Variants in DYNC1I1 observed in about 807,000 individuals in gnomAD.
DYNC1I1 encodes dynein cytoplasmic 1 intermediate chain 1.
In DYNC1I1, 43 loss-of-function variants were observed where a neutral mutation model predicts 86.6. The observed-to-expected ratio is 0.50, with a 90% CI of 0.39 to 0.64. The LOEUF (loss-of-function observed/expected upper bound fraction) is 0.64. Among genes scored for constraint, DYNC1I1 ranks in the 30% least tolerant of loss-of-function variants. The pLI is 0.00. For synonymous variants in DYNC1I1, 262 were observed against 283.7 expected, an observed-to-expected ratio of 0.92 and a Z score of 0.77; for missense variants, 604 against 788.8, an observed-to-expected ratio of 0.77 and a Z score of 2.81.
At chr7:96,002,684 G>C (rs1347800958) in intron 10 of DYNC1I1, among the ~76,000 whole-genome samples, 1 of 152,138 alleles carries the variant, frequency 6.6e-6, no homozygotes, top group Non-Finnish European at 1.5e-5. Context: ...GTTGCTGAAT[G>C]GGGGGTTGTG....
intron 6 of DYNC1I1, among the ~76,000 whole-genome samples, chr7:95,939,240 G>A (rs1792133648): frequency 1.3e-5 from 2 of 152,164 alleles, no homozygotes; most frequent in African/African-American, 2.4e-5. Context: ...TTTGAAATAG[G>A]TGTGGTGTGG....
At chr7:96,009,849 G>A (rs977826027) in intron 10 of DYNC1I1, among the ~76,000 whole-genome samples, 3 of 151,326 alleles carry the variant, frequency 2.0e-5, no homozygotes, top group Non-Finnish European at 4.4e-5. Context: ...GCACGATCTC[G>A]GCTCACCACA....
intron 6 of DYNC1I1, among the ~76,000 whole-genome samples, chr7:95,942,115 A>G (rs1378752080): frequency 1.3e-5 from 2 of 152,218 alleles, no homozygotes; most frequent in Admixed American, 1.3e-4. Flanking sequence ...CAAAATTGAT[A>G]GACCGCTAGC....
intron 14 of DYNC1I1, among the ~76,000 whole-genome samples, chr7:96,044,700 G>T (rs747919134): frequency 1.5e-4 from 23 of 152,144 alleles, no homozygotes; most frequent in Non-Finnish European, 2.5e-4. Flanking sequence ...TAGAGTTAGT[G>T]AAGGAAAGCA....
chr7:96,033,458 C>T (rs1026959867), intron 12 of DYNC1I1, among the ~76,000 whole-genome samples: 3 of 152,140 alleles, frequency 2.0e-5, no homozygotes, highest in Admixed American at 6.6e-5. Flanking sequence ...ACAAGACATG[C>T]GCATACACAC....
chr7:95,793,001 G>A (rs549937856), intron 1 of DYNC1I1, among the ~76,000 whole-genome samples: 5 of 152,126 alleles, frequency 3.3e-5, no homozygotes, highest in Non-Finnish European at 5.9e-5. Flanking sequence ...TAAGGAGTTG[G>A]GACATATTTT....
intron 14 of DYNC1I1, among the ~76,000 whole-genome samples, chr7:96,075,523 T>C (rs1227599228): frequency 2.0e-5 from 3 of 152,178 alleles, no homozygotes; most frequent in Admixed American, 2.0e-4. Context: ...CGCATTCCTC[T>C]CTGCAAAAGA....
At chr7:95,955,801 C>T (rs1350945977) in intron 6 of DYNC1I1, among the ~76,000 whole-genome samples, 1 of 152,136 alleles carries the variant, frequency 6.6e-6, no homozygotes, top group African/African-American at 2.4e-5. Context: ...ACATAGCCTA[C>T]AGTAGTTTTC....
intron 12 of DYNC1I1, among the ~76,000 whole-genome samples, chr7:96,033,727 A>G (rs1024514848): frequency 6.6e-6 from 1 of 152,138 alleles, no homozygotes; most frequent in African/African-American, 2.4e-5. Flanking sequence ...GTACATAAGG[A>G]GACAGGGCAC....
chr7:96,024,195 A>G (rs1023506096), intron 10 of DYNC1I1, among the ~76,000 whole-genome samples: 6 of 152,206 alleles, frequency 3.9e-5, no homozygotes, highest in African/African-American at 1.4e-4. Flanking sequence ...ATTAGTTAAC[A>G]TTATTGAAAG....
rs1248589202 is a variant in DYNC1I1 at position 95,890,773 on chromosome 7, AT to A, written c.490+20776del. 1.1e-4 allele frequency among the ~76,000 whole-genome samples: 16 copies of A among 152,282 alleles called. 1 individual carries two copies. Among genetic ancestry groups the A allele is most frequent in the Middle Eastern group, 6.8e-3 (2 of 294 alleles). ...GAATTTCTGATTCAGAAGGTTTGGG[AT>A]GGATCCCTAAAATCTGCATTTCGAA... On this transcript the variant is annotated intron_variant, in intron 6 of 16. Coordinates refer to ENST00000447467, the MANE Select transcript of DYNC1I1 (RefSeq NM_001135556.2).
rs866209483 is a variant in DYNC1I1 at position 95,942,137 on chromosome 7, A to C, written c.491-35375A>C. On this transcript the variant is annotated intron_variant, in intron 6 of 16. Coordinates refer to ENST00000447467, the MANE Select transcript of DYNC1I1 (RefSeq NM_001135556.2). ...GATAGACCGCTAGCAAGACTAATAA[A>C]GAAGAAAAGAGAGAAGAATCAAATA... 3.3e-5 allele frequency among the ~76,000 whole-genome samples: 5 copies of C among 152,340 alleles called. No homozygotes were observed. In the South Asian group the frequency reaches 6.2e-4, roughly 19 times the overall value.
At chr7:95,935,956 A>C (rs138200702) in intron 6 of DYNC1I1, among the ~76,000 whole-genome samples, 13 of 152,142 alleles carry the variant, frequency 8.5e-5, no homozygotes, top group African/African-American at 3.1e-4. Flanking sequence ...GACAAGTATT[A>C]GTGAGGATGT....
intron 16 of DYNC1I1, among the ~76,000 whole-genome samples, chr7:96,092,974 G>A (rs1233321224): frequency 2.0e-5 from 3 of 152,100 alleles, no homozygotes; most frequent in Non-Finnish European, 4.4e-5. Flanking sequence ...TGAAGGTTAT[G>A]TGGTCTTTAG....
intron 5 of DYNC1I1, among the ~76,000 whole-genome samples, chr7:95,832,851 C>T (rs1446529754): frequency 7.2e-5 from 11 of 151,976 alleles, no homozygotes; most frequent in Admixed American, 3.9e-4. Flanking sequence ...TTGAGTTTAT[C>T]GTAGATTCTG....
intron 10 of DYNC1I1, among the ~76,000 whole-genome samples, chr7:96,015,584 T>G (rs933253545): frequency 6.6e-6 from 1 of 152,176 alleles, no homozygotes; most frequent in African/African-American, 2.4e-5. Context: ...TTTGTCCTTT[T>G]AAAAACCAGC....
intron 3 of DYNC1I1, among the ~76,000 whole-genome samples, chr7:95,811,599 T>C (rs531322249): frequency 2.6e-4 from 39 of 152,190 alleles, no homozygotes; most frequent in African/African-American, 9.1e-4. Context: ...TAAAACACTA[T>C]TAAAAATCAT....
rs937958964 is a variant in DYNC1I1 at position 95,995,233 on chromosome 7, C to T, written c.844-715C>T. Among the ~76,000 whole-genome samples, 4 of 145,090 alleles carry T rather than the reference C, an allele frequency of 2.8e-5. No individual in the cohort carries two copies. In the East Asian group the frequency reaches 6.1e-4, roughly 22 times the overall value. On this transcript the variant is annotated intron_variant, in intron 9 of 16. Coordinates refer to ENST00000447467, the MANE Select transcript of DYNC1I1 (RefSeq NM_001135556.2). Reference sequence around the variant, plus strand: ...CTGCACTCCAGCCTGGGCAACAGAGCGAGACTCCATCTCAAAAAATAAATA... The same window carrying T: ...CTGCACTCCAGCCTGGGCAACAGAGTGAGACTCCATCTCAAAAAATAAATA...
chr7:96,075,481 G>C (rs992033507), intron 14 of DYNC1I1, among the ~76,000 whole-genome samples: 3 of 152,174 alleles, frequency 2.0e-5, no homozygotes, highest in Admixed American at 1.3e-4. Flanking sequence ...TTACCTCCTG[G>C]AAGAGCAGTA....
Sources: allele counts gnomAD v4.1 joint callset (sites outside exome capture counted in the v4.1 genomes callset), GRCh38; gene constraint gnomAD v4.1.1; transcripts MANE v1.5; gene names NCBI Gene and HGNC (gene_info 2026-07-23, HGNC 2026-07-21).